The following ARHGAP32 variants were observed in gnomAD, a reference collection of about 807,000 sequenced individuals.
The protein encoded by ARHGAP32 is rho GTPase-activating protein 32.
A neutral mutation model predicts 186.5 loss-of-function variants in ARHGAP32; 51 were observed. The observed-to-expected ratio is 0.27, with a 90% CI of 0.22 to 0.35. The LOEUF is 0.35. ARHGAP32 is among the 10% of genes least tolerant of loss of function. The pLI is 1.00. For synonymous variants in ARHGAP32, 950 were observed against 964.3 expected (o/e 0.99, Z 0.27); for missense variants, 2,186 against 2,623.5 (o/e 0.83, Z 3.64).
intron 1 of ARHGAP32, among the ~76,000 whole-genome samples, chr11:129,269,677 T>C (rs142399469): frequency 6.6e-6 from 1 of 152,102 alleles, no homozygotes; most frequent in East Asian, 2.0e-4. Flanking sequence ...CAACGAGCTA[T>C]GATCACTCCA....
chr11:129,233,887 T>C (rs555127732), intron 1 of ARHGAP32, among the ~76,000 whole-genome samples: 1 of 152,166 alleles, frequency 6.6e-6, no homozygotes, highest in African/African-American at 2.4e-5. Context: ...CATATAATGC[T>C]ATATATTTTT....
chr11:129,037,427 G>C (rs1263116823), intron 11 of ARHGAP32, among the ~76,000 whole-genome samples: 1 of 151,948 alleles, frequency 6.6e-6, no homozygotes, highest in African/African-American at 2.4e-5. Context: ...CCAGGAGTTT[G>C]AGGACTTGTG....
At chr11:129,059,217 T>C (rs80280002) in intron 10 of ARHGAP32, among the ~76,000 whole-genome samples, 1,923 of 152,308 alleles carry the variant, frequency 0.013, 36 homozygotes, top group South Asian at 0.044. Context: ...CTCCCTTCAC[T>C]TAACTGACTT....
intron 2 of ARHGAP32, among the ~76,000 whole-genome samples, chr11:129,136,023 A>C (rs1186321395): frequency 6.6e-6 from 1 of 152,206 alleles, no homozygotes; most frequent in African/African-American, 2.4e-5. Context: ...AAAATTAAGC[A>C]TTCAAAAAGA....
At chr11:129,196,162 GA>G (rs1944387695), upstream of ARHGAP32, among the ~76,000 whole-genome samples, 1 of 152,222 alleles carries the variant, frequency 6.6e-6, no homozygotes, top group African/African-American at 2.4e-5. Flanking sequence ...AAGTCAGAAT[GA>G]ATTTTTTCGA....
chr11:129,170,671 T>C (rs1591668546), intron 1 of ARHGAP32, among the ~76,000 whole-genome samples: 1 of 152,330 alleles, frequency 6.6e-6, no homozygotes, highest in African/African-American at 2.4e-5. Context: ...AGTAGAATGA[T>C]TTATATTCCT....
intron 1 of ARHGAP32, among the ~76,000 whole-genome samples, chr11:129,218,538 T>G (rs1164722276): frequency 6.6e-6 from 1 of 152,104 alleles, no homozygotes; most frequent in Non-Finnish European, 1.5e-5. Context: ...AACCCTTCCC[T>G]GATCTCCTCA....
At position 128,968,228 on chromosome 11, in the gene ARHGAP32, T is replaced by C. The variant is rs1945262661; in HGVS notation, c.*679A>G. 6.6e-6 allele frequency: 1 copy of C among 152,110 alleles called. No individual in the cohort carries two copies. The highest frequency in any genetic ancestry group is 6.6e-5 in the Admixed American group (1 of 15,262). 9.4% of individuals were successfully genotyped at this position (152,110 alleles called of 1,614,324 possible). On this transcript the variant is annotated 3_prime_UTR_variant, in exon 23 of 23. Transcript: ENST00000682385. ...AACCGTGAGGAACAAGGATGAAAAATAAGAATAGAAAGAGTATGGTTCAGC... is the reference window on the plus strand; with the variant it reads ...AACCGTGAGGAACAAGGATGAAAAACAAGAATAGAAAGAGTATGGTTCAGC...
In ARHGAP32 at chr11:128,985,983, A is replaced by G; in HGVS notation, c.1526+20T>C. 6.3e-7 allele frequency: 1 copy of G among 1,591,098 alleles called. No homozygotes were observed. Among genetic ancestry groups the G allele is most frequent in the Non-Finnish European group, 8.5e-7 (1 of 1,170,932 alleles). On this transcript the variant is annotated intron_variant, in intron 15 of 22. Transcript: ENST00000682385. Reference sequence around the variant, plus strand: ...CAACCGACTTCTACCTCTGCCTGGTATTTACCCACTGTGGCTGACCTGTAG... The same window carrying G: ...CAACCGACTTCTACCTCTGCCTGGTGTTTACCCACTGTGGCTGACCTGTAG...
At position 129,268,358 on chromosome 11, in the gene ARHGAP32, T is replaced by C. The variant is rs149672820; in HGVS notation, c.-5+10788A>G. ...TTCCAATTTCATAGAATGAGATACATTTCCTAACAATAAGAACTCTTTTTA... is the reference window on the plus strand; with the variant it reads ...TTCCAATTTCATAGAATGAGATACACTTCCTAACAATAAGAACTCTTTTTA... On this transcript the variant is annotated intron_variant, in intron 1 of 6. Transcript: ENST00000525234. Among the ~76,000 whole-genome samples, 679 of 152,218 alleles carry C rather than the reference T, an allele frequency of 4.5e-3. 11 individuals carry two copies. The highest frequency in any genetic ancestry group is 0.015 in the African/African-American group (626 of 41,528).
intron 14 of ARHGAP32, 22 bp from the exon 15 acceptor site, chr11:128,986,107 A>G (rs2136121413): frequency 6.4e-7 from 1 of 1,558,456 alleles, no homozygotes; most frequent in Admixed American, 1.8e-5. Context: ...ACAGTACAAA[A>G]TAAACTAGTG....
At chr11:129,106,670 A>T (rs1308979666) in intron 5 of ARHGAP32, among the ~76,000 whole-genome samples, 1 of 152,204 alleles carries the variant, frequency 6.6e-6, no homozygotes, top group Non-Finnish European at 1.5e-5. Context: ...GTACTCCCTG[A>T]ATCTAATATA....
intron 19 of ARHGAP32, among the ~76,000 whole-genome samples, chr11:128,977,858 T>TTATTAG (rs1274986733): frequency 5.4e-5 from 2 of 37,116 alleles, no homozygotes; most frequent in Admixed American, 6.5e-4. Context: ...CAATTTATTA[T>TTATTAG]TATTATTATT....
Position 128,968,800 on chromosome 11 carries a change from TG to T in ARHGAP32, c.*106del. The T allele has an allele frequency of 2.3e-6, 2 of 878,460 alleles. No homozygotes were observed. The highest frequency in any genetic ancestry group is 3.1e-6 in the Non-Finnish European group (2 of 644,742). The allele number at this position is 878,460 out of a possible 1,614,324, so 54.4% of individuals were successfully genotyped here. ...TACTTTTATTATCATTTTTTAAATG[TG>T]GTCAGGGGTTTTATAGTATTTTTTG... is the stretch of plus-strand genomic sequence containing the variant. On this transcript the variant is annotated 3_prime_UTR_variant, in exon 23 of 23. Transcript: ENST00000682385.
intron 3 of ARHGAP32, among the ~76,000 whole-genome samples, chr11:129,124,232 T>C (rs769260931): frequency 3.3e-5 from 5 of 152,194 alleles, no homozygotes; most frequent in Non-Finnish European, 7.4e-5. Flanking sequence ...GGTAATGTTA[T>C]ACAACATTTT....
chr11:129,214,806 A>G (rs1054132865), intron 1 of ARHGAP32, among the ~76,000 whole-genome samples: 4 of 152,200 alleles, frequency 2.6e-5, no homozygotes, highest in African/African-American at 7.2e-5. Flanking sequence ...GCCAGATAAT[A>G]AATAGTTTAG....
intron 11 of ARHGAP32, among the ~76,000 whole-genome samples, chr11:129,037,020 G>T (rs1939371232): frequency 1.3e-5 from 2 of 152,130 alleles, no homozygotes; most frequent in Admixed American, 1.3e-4. Context: ...AAGGCTTCAA[G>T]ATATAACATC....
At chr11:129,044,909 A>G (rs1415841194) in intron 10 of ARHGAP32, among the ~76,000 whole-genome samples, 8 of 152,038 alleles carry the variant, frequency 5.3e-5, no homozygotes, top group Non-Finnish European at 1.0e-4. Flanking sequence ...AAAGTTTTCC[A>G]TCACTTCCCA....
intron 12 of ARHGAP32, among the ~76,000 whole-genome samples, chr11:128,990,306 A>T (rs1327493108): frequency 6.6e-6 from 1 of 152,212 alleles, no homozygotes; most frequent in Non-Finnish European, 1.5e-5. Context: ...TTATTTGTTC[A>T]TACAACTATT....
Sources: gnomAD v4.1 joint callset for allele counts (sites outside exome capture counted in the v4.1 genomes callset) on GRCh38, gnomAD v4.1.1 for gene constraint, MANE v1.5 for transcripts, NCBI Gene and HGNC (gene_info 2026-07-23, HGNC 2026-07-21) for gene names.